SLAIN2: variants seen among roughly 807,000 people sequenced by gnomAD.
SLAIN2 encodes the protein SLAIN motif-containing protein 2.
SLAIN2 carries 31 observed loss-of-function variants against 56.6 expected under a neutral mutation model. The ratio of observed to expected loss-of-function variants is 0.55; its 90% CI spans 0.41 to 0.74. SLAIN2 has a LOEUF of 0.74. Ranked by LOEUF, SLAIN2 falls within the 30% of genes least tolerant of loss-of-function variation. The pLI is 0.00. For missense variants in SLAIN2, 777 were observed against 754.2 expected (o/e 1.03, Z -0.35); for synonymous variants, 317 against 284.9 (o/e 1.11, Z -1.13).
At position 48,341,892 on chromosome 4, in the gene SLAIN2, G is replaced by A; in HGVS notation, c.153G>A (p.Arg51=). The A allele has an allele frequency of 1.3e-6, 2 of 1,513,634 alleles. No homozygotes were observed. The highest frequency in any genetic ancestry group is 1.8e-6 in the Non-Finnish European group (2 of 1,132,004). 93.8% of individuals were successfully genotyped at this position (1,513,634 alleles called of 1,614,324 possible). A position where few individuals can be genotyped will look rare whatever the true frequency, so the allele number is the denominator to read the frequency against. Residue 51 remains arginine (R), a synonymous_variant, in exon 1 of 8, where the codon CGG becomes CGA. Transcript: ENST00000264313. ...CCCTTGGGCCCGGCAGCCCGGTTCGGGCCGGCGCGTCCATTCCCTCCTCCG... is the reference window on the plus strand; with the variant it reads ...CCCTTGGGCCCGGCAGCCCGGTTCGAGCCGGCGCGTCCATTCCCTCCTCCG... The part of the protein sequence containing the change: ...AGSLGPGSPV[R]AGASIPSSGA...
intron 1 of SLAIN2, among the ~76,000 whole-genome samples, chr4:48,358,247 G>A (rs1715215427): frequency 6.6e-6 from 1 of 151,902 alleles, no homozygotes; most frequent in South Asian, 2.1e-4. Context: ...TTAAAACACT[G>A]AAGCAGTGCC....
rs1175751882 is a variant in SLAIN2, at chr4:48,377,916, T to C, written c.559T>C (p.Tyr187His). The C allele has an allele frequency of 6.2e-7, 1 of 1,613,602 alleles. No homozygotes were observed. The change falls in exon 3 of 8, where the codon TAT (tyrosine) becomes CAT (histidine). Residue 187 changes from tyrosine to histidine, a missense_variant. Coordinates refer to ENST00000264313, the MANE Select transcript of SLAIN2 (RefSeq NM_020846.2). The part of the protein sequence containing the change: ...TMSALKRQNL[Y>H]NNPFNSMSYT... Reference sequence around the variant, plus strand: ...TGCAGCTCTCAAGAGGCAGAATTTATATAATAATCCTTTCAACTCTATGAG... The same window carrying C: ...TGCAGCTCTCAAGAGGCAGAATTTACATAATAATCCTTTCAACTCTATGAG...
At chr4:48,359,057 T>A (rs1377855999) in intron 1 of SLAIN2, among the ~76,000 whole-genome samples, 1 of 152,250 alleles carries the variant, frequency 6.6e-6, no homozygotes, top group Non-Finnish European at 1.5e-5. Context: ...AAAGTTTTTT[T>A]AATGATAGAA....
chr4:48,377,267 C>T (rs1715843800), intron 2 of SLAIN2, among the ~76,000 whole-genome samples: 1 of 151,802 alleles, frequency 6.6e-6, no homozygotes, highest in South Asian at 2.1e-4. Flanking sequence ...ACTGCAACCT[C>T]TGCCTCCCGG....
At chr4:48,390,617 A>G (rs1000458391) in intron 6 of SLAIN2, among the ~76,000 whole-genome samples, 2 of 152,238 alleles carry the variant, frequency 1.3e-5, no homozygotes, top group African/African-American at 4.8e-5. Context: ...AACTGTCAGT[A>G]AAAAATAAAT....
intron 6 of SLAIN2, among the ~76,000 whole-genome samples, chr4:48,411,728 T>C (rs1259468567): frequency 6.6e-6 from 1 of 152,210 alleles, no homozygotes; most frequent in African/African-American, 2.4e-5. Flanking sequence ...TCACTCACTA[T>C]TGGAGTATGC....
At chr4:48,366,082 G>A (rs6447629) in intron 1 of SLAIN2, among the ~76,000 whole-genome samples, 117,398 of 152,184 alleles carry the variant, frequency 0.77, 46,074 homozygotes, top group African/African-American at 0.92. Context: ...TTTGTTATTT[G>A]TAAGTATGTT....
At chr4:48,377,705 A>G (rs1207596163) in intron 2 of SLAIN2, among the ~76,000 whole-genome samples, 191 bp from the exon 3 acceptor site, 2 of 152,058 alleles carry the variant, frequency 1.3e-5, no homozygotes, top group Non-Finnish European at 1.5e-5. Flanking sequence ...CTACTGTTTT[A>G]TTTGCATACA....
intron 1 of SLAIN2, among the ~76,000 whole-genome samples, chr4:48,345,008 C>T (rs562491466): frequency 6.6e-6 from 1 of 152,138 alleles, no homozygotes; most frequent in Non-Finnish European, 1.5e-5. Context: ...CAGTCTGTGC[C>T]AGGCAGCTTA....
intron 1 of SLAIN2, among the ~76,000 whole-genome samples, chr4:48,342,331 C>T (rs1191417740): frequency 2.0e-5 from 3 of 152,206 alleles, no homozygotes; most frequent in Non-Finnish European, 4.4e-5. Flanking sequence ...AGGGTTGTAG[C>T]TCGTTGTCCT....
chr4:48,421,276 G>C (rs1309890725), intron 7 of SLAIN2, among the ~76,000 whole-genome samples: 4 of 152,044 alleles, frequency 2.6e-5, no homozygotes, highest in Non-Finnish European at 5.9e-5. Flanking sequence ...CAGAATGCTG[G>C]GATTACAGTT....
chr4:48,382,105 T>G (rs140379723), intron 4 of SLAIN2, among the ~76,000 whole-genome samples: 104 of 152,324 alleles, frequency 6.8e-4, no homozygotes, highest in African/African-American at 1.9e-3. Context: ...AGAAGTTTCT[T>G]TGGTACTTTA....
At chr4:48,395,341 T>G (rs1256961010) in intron 6 of SLAIN2, among the ~76,000 whole-genome samples, 1 of 152,080 alleles carries the variant, frequency 6.6e-6, no homozygotes, top group Non-Finnish European at 1.5e-5. Flanking sequence ...ATCCAGAACA[T>G]GTAGGTTTTC....
chr4:48,381,986 G>C (rs1002629866), intron 4 of SLAIN2, among the ~76,000 whole-genome samples: 1 of 152,096 alleles, frequency 6.6e-6, no homozygotes, highest in African/African-American at 2.4e-5. Flanking sequence ...TGAAGACTTA[G>C]AATTTAAGCT....
At chr4:48,412,547 T>C (rs1047016288) in intron 6 of SLAIN2, among the ~76,000 whole-genome samples, 5 of 152,200 alleles carry the variant, frequency 3.3e-5, no homozygotes, top group African/African-American at 9.7e-5. Context: ...GGGGCAATTA[T>C]CTTGAAGAGG....
chr4:48,378,027 A>G lies in SLAIN2; in HGVS notation c.670A>G (p.Ile224Val), dbSNP rs549155408. 1.1e-5 allele frequency: 17 copies of G among 1,613,756 alleles called. No homozygotes were observed. Among genetic ancestry groups the G allele is most frequent in the South Asian group, 2.2e-5 (2 of 91,062 alleles). ...ATCCTCAACCCCAGTGCGACCTCCT[A>G]TAGTCAAACAGCTTATACTTCCTGG... ...SPSSTPVRPP[I>V]VKQLILPGNS... Residue 224 changes from isoleucine (I) to valine (V), a missense_variant, in exon 3 of 8, where the codon ATA becomes GTA. Transcript: ENST00000264313.
At chr4:48,412,408 A>ACT (rs1716886454) in intron 6 of SLAIN2, among the ~76,000 whole-genome samples, 1 of 46,652 alleles carries the variant, frequency 2.1e-5, no homozygotes, top group African/African-American at 7.0e-5. Flanking sequence ...ACACACACAC[A>ACT]CACACACATT....
intron 1 of SLAIN2, among the ~76,000 whole-genome samples, chr4:48,359,044 A>G (rs1715246715): frequency 6.6e-6 from 1 of 152,198 alleles, no homozygotes; most frequent in Non-Finnish European, 1.5e-5. Flanking sequence ...ATAAACTTTT[A>G]TTAAAGTTTT....
intron 1 of SLAIN2, among the ~76,000 whole-genome samples, chr4:48,363,744 G>C (rs1192014747): frequency 2.1e-3 from 199 of 93,134 alleles, no homozygotes; most frequent in Non-Finnish European, 3.1e-3. Context: ...CCAGGCGGGG[G>C]GCTGACCCCC....
Sources: gnomAD v4.1 joint callset for allele counts (sites outside exome capture counted in the v4.1 genomes callset) on GRCh38, gnomAD v4.1.1 for gene constraint, MANE v1.5 for transcripts, NCBI Gene and HGNC (gene_info 2026-07-23, HGNC 2026-07-21) for gene names.